NPAS3: variants seen among roughly 807,000 people sequenced by gnomAD.
NPAS3 encodes neuronal PAS domain protein 3.
In NPAS3, 14 loss-of-function variants were observed where a neutral mutation model predicts 73.1. The ratio of observed to expected loss-of-function variants is 0.19; its 90% CI spans 0.13 to 0.30. The LOEUF is 0.30. Among genes scored for constraint, NPAS3 ranks in the 10% least tolerant of loss-of-function variants. NPAS3 has a pLI of 1.00. For missense variants in NPAS3, 1,096 were observed against 1,250.0 expected, an observed-to-expected ratio of 0.88 and a Z score of 1.86; for synonymous variants, 620 against 541.5, an observed-to-expected ratio of 1.14 and a Z score of -2.01.
chr14:33,418,001 T>C (rs1363947414), intron 4 of NPAS3, among the ~76,000 whole-genome samples: 1 of 151,944 alleles, frequency 6.6e-6, no homozygotes, highest in African/African-American at 2.4e-5. Context: ...TAAAAGTTTG[T>C]AAGGACATAG....
chr14:33,452,309 G>A (rs2049829898), intron 4 of NPAS3, among the ~76,000 whole-genome samples: 2 of 152,144 alleles, frequency 1.3e-5, no homozygotes, highest in Admixed American at 1.3e-4. Flanking sequence ...GACAATGTCA[G>A]TTGCTTTTAT....
Position 33,275,644 on chromosome 14 carries a change from C to T in NPAS3, c.385+60218C>T, listed in dbSNP as rs536302404. ...TAATAGATTCATCCAGGATGGAATT[C>T]ATGTTTAAAGGACCTGTCTACTCAC... is the stretch of plus-strand genomic sequence containing the variant. On this transcript the variant is annotated intron_variant, in intron 3 of 11. Transcript: ENST00000356141. 6.6e-5 allele frequency among the ~76,000 whole-genome samples: 10 copies of T among 152,286 alleles called. No homozygotes were observed. The South Asian group carries it at 2.1e-3, about 32-fold the overall frequency.
At chr14:33,473,242 A>G (rs113049716) in intron 4 of NPAS3, among the ~76,000 whole-genome samples, 5,166 of 152,220 alleles carry the variant, frequency 0.034, 277 homozygotes, top group African/African-American at 0.12. Flanking sequence ...TTCACCTAAT[A>G]GGCATTTAAA....
At chr14:33,508,374 T>C (rs1167428303) in intron 4 of NPAS3, among the ~76,000 whole-genome samples, 1 of 151,982 alleles carries the variant, frequency 6.6e-6, no homozygotes, top group Non-Finnish European at 1.5e-5. Context: ...TATGAAGCAG[T>C]GAAGCAATGC....
intron 1 of NPAS3, among the ~76,000 whole-genome samples, chr14:32,999,362 T>C (rs1003334257): frequency 6.6e-6 from 1 of 151,836 alleles, no homozygotes; most frequent in South Asian, 2.1e-4. Context: ...ATACAAAAAA[T>C]TGGCTAGGCG....
chr14:33,069,744 A>G (rs552895011), intron 2 of NPAS3, among the ~76,000 whole-genome samples: 2 of 152,344 alleles, frequency 1.3e-5, no homozygotes, highest in South Asian at 2.1e-4. Flanking sequence ...CTACTAACTC[A>G]AAAAAGTTAG....
chr14:33,159,484 T>C (rs2044770506), intron 2 of NPAS3, among the ~76,000 whole-genome samples: 1 of 152,142 alleles, frequency 6.6e-6, no homozygotes, highest in African/African-American at 2.4e-5. Flanking sequence ...CCTTAGATGT[T>C]TTTATATTGT....
intron 4 of NPAS3, among the ~76,000 whole-genome samples, chr14:33,521,707 C>T (rs2053565398): frequency 6.6e-6 from 1 of 152,064 alleles, no homozygotes; most frequent in African/African-American, 2.4e-5. Flanking sequence ...ATCTTCCCAA[C>T]TGAGTTTCTT....
chr14:33,618,573 CG>C (rs2057991043), intron 5 of NPAS3, among the ~76,000 whole-genome samples: 1 of 152,076 alleles, frequency 6.6e-6, no homozygotes, highest in Non-Finnish European at 1.5e-5. Flanking sequence ...GATAAAGCTT[CG>C]CTGGCTCACC....
intron 5 of NPAS3, among the ~76,000 whole-genome samples, chr14:33,586,989 C>T (rs1186909799): frequency 1.3e-5 from 2 of 152,130 alleles, no homozygotes; most frequent in African/African-American, 4.8e-5. Context: ...ATCCGAGGAC[C>T]GGCTCCCCAA....
intron 6 of NPAS3, among the ~76,000 whole-genome samples, chr14:33,700,069 C>CTTTG (rs1344698063): frequency 6.6e-6 from 1 of 151,966 alleles, no homozygotes; most frequent in East Asian, 1.9e-4. Context: ...CATGGGTTTG[C>CTTTG]TTTGTTTGGG....
chr14:33,174,274 A>C (rs185671412), intron 2 of NPAS3, among the ~76,000 whole-genome samples: 1 of 152,186 alleles, frequency 6.6e-6, no homozygotes, highest in Non-Finnish European at 1.5e-5. Flanking sequence ...TCACAGGACT[A>C]CTGAACTGCT....
intron 4 of NPAS3, among the ~76,000 whole-genome samples, chr14:33,524,867 G>A (rs567311890): frequency 5.5e-4 from 84 of 152,202 alleles, no homozygotes; most frequent in African/African-American, 2.0e-3. Context: ...GTCATTCACC[G>A]TGTGTGTCCA....
intron 2 of NPAS3, among the ~76,000 whole-genome samples, chr14:33,072,922 A>G (rs904546905): frequency 4.0e-5 from 6 of 149,032 alleles, no homozygotes; most frequent in Admixed American, 4.0e-4. Context: ...AAAAATATAC[A>G]TATATATAAT....
intron 10 of NPAS3, among the ~76,000 whole-genome samples, chr14:33,796,265 T>C (rs2063510167): frequency 6.6e-6 from 1 of 152,216 alleles, no homozygotes. Context: ...CTGAAACTAC[T>C]GCTCCTCCAG....
chr14:33,322,518 A>ATGTG (rs937635402), intron 3 of NPAS3, among the ~76,000 whole-genome samples: 2 of 150,648 alleles, frequency 1.3e-5, no homozygotes, highest in African/African-American at 4.9e-5. Flanking sequence ...GTGTGTGTGT[A>ATGTG]TGTGTGTGTG....
intron 3 of NPAS3, among the ~76,000 whole-genome samples, chr14:33,322,131 T>C (rs988859595): frequency 6.6e-6 from 1 of 152,158 alleles, no homozygotes; most frequent in Non-Finnish European, 1.5e-5. Flanking sequence ...GCCATGAATA[T>C]GGTAGACACT....
chr14:33,291,065 T>G (rs2042080446), intron 3 of NPAS3, among the ~76,000 whole-genome samples: 1 of 152,062 alleles, frequency 6.6e-6, no homozygotes, highest in East Asian at 1.9e-4. Flanking sequence ...ACGAATGGCT[T>G]TACTCTGTAA....
At chr14:33,737,131 C>T (rs1428712180) in intron 7 of NPAS3, among the ~76,000 whole-genome samples, 1 of 152,186 alleles carries the variant, frequency 6.6e-6, no homozygotes, top group African/African-American at 2.4e-5. Context: ...CTCCATACCA[C>T]ATGCACTTCA....
Sources: allele counts gnomAD v4.1 joint callset (sites outside exome capture counted in the v4.1 genomes callset), GRCh38; gene constraint gnomAD v4.1.1; transcripts MANE v1.5; gene names NCBI Gene and HGNC (gene_info 2026-07-23, HGNC 2026-07-21).